The following CASP8 variants were observed in gnomAD, a reference collection of about 807,000 sequenced individuals.
CASP8 encodes caspase 8, also known as caspase-8.
In CASP8, 24 loss-of-function variants were observed where a neutral mutation model predicts 46.3. The ratio of observed to expected loss-of-function variants is 0.52; its 90% CI spans 0.38 to 0.73. CASP8 has a LOEUF of 0.73. Ranked by LOEUF, CASP8 falls within the 30% of genes least tolerant of loss-of-function variation. The pLI is 0.00. For missense variants in CASP8, 460 were observed against 559.0 expected, an observed-to-expected ratio of 0.82 and a Z score of 1.79; for synonymous variants, 188 against 200.4, an observed-to-expected ratio of 0.94 and a Z score of 0.52.
At chr2:201,245,301 A>C (rs779506336) in intron 2 of CASP8, among the ~76,000 whole-genome samples, 11 of 151,482 alleles carry the variant, frequency 7.3e-5, no homozygotes, top group Non-Finnish European at 1.5e-4. Context: ...GTTGGAGTGC[A>C]GTGGCTCAAT....
intron 1 of CASP8, among the ~76,000 whole-genome samples, chr2:201,261,391 C>CAAA (rs11335061): frequency 2.0e-3 from 181 of 88,422 alleles, no homozygotes; most frequent in African/African-American, 5.4e-3. Flanking sequence ...AACTCCGTCT[C>CAAA]AAAAAAAAAA....
At chr2:201,283,673 G>A (rs1216118172) in intron 7 of CASP8, among the ~76,000 whole-genome samples, 1 of 88,958 alleles carries the variant, frequency 1.1e-5, no homozygotes, top group Non-Finnish European at 2.7e-5. Flanking sequence ...CCTCCCGGAC[G>A]GGGCGGATGG....
chr2:201,260,988 CCCA>C (rs1947346806), intron 1 of CASP8, among the ~76,000 whole-genome samples: 1 of 152,206 alleles, frequency 6.6e-6, no homozygotes, highest in African/African-American at 2.4e-5. Context: ...CAGCTATCCT[CCCA>C]CCAACACACA....
chr2:201,264,951 T>TGGC (rs1947693078), intron 1 of CASP8, among the ~76,000 whole-genome samples: 1 of 152,126 alleles, frequency 6.6e-6, no homozygotes, highest in African/African-American at 2.4e-5. Flanking sequence ...GGGGGCCAGC[T>TGGC]CCCTGCAGGG....
At chr2:201,274,835 A>G (rs1948520387) in intron 5 of CASP8, 54 bp from the exon 6 acceptor site, 3 of 1,293,314 alleles carry the variant, frequency 2.3e-6, no homozygotes, top group Non-Finnish European at 3.4e-6. Context: ...TTTCATTACC[A>G]GTGTACCTTT....
chr2:201,258,826 G>A (rs1475091734), upstream of CASP8, among the ~76,000 whole-genome samples: 1 of 152,118 alleles, frequency 6.6e-6, no homozygotes, highest in African/African-American at 2.4e-5. Context: ...GTGTCTGAAG[G>A]GTTTCCTTTT....
Position 201,266,369 on chromosome 2 carries a change from C to T in CASP8, c.-26-92C>T. Reference sequence around the variant, plus strand: ...CTCTCCTGTGCTGACAGCACAATGACCAGTACCTAGTAGTTGCAGTAGCCT... The same window carrying T: ...CTCTCCTGTGCTGACAGCACAATGATCAGTACCTAGTAGTTGCAGTAGCCT... On this transcript the variant is annotated intron_variant, in intron 1 of 8. Coordinates refer to ENST00000673742, the MANE Select transcript of CASP8 (RefSeq NM_001372051.1). This position sits in a 1 kb window ranked among gnomAD's most constrained non-coding sequence, Gnocchi z 5.7. 1.1e-6 allele frequency: 1 copy of T among 924,370 alleles called. No homozygotes were observed. Among genetic ancestry groups the T allele is most frequent in the South Asian group, 1.4e-5 (1 of 73,156 alleles). 57.3% of individuals were successfully genotyped at this position (924,370 alleles called of 1,614,324 possible).
rs1370487855 is a variant in CASP8, at chr2:201,272,601, C to T, written c.412-37C>T. 1 of 1,612,062 alleles carries T rather than the reference C, an allele frequency of 6.2e-7. No individual in the cohort carries two copies. The highest frequency in any genetic ancestry group is 1.1e-5 in the South Asian group (1 of 91,018). On this transcript the variant is annotated intron_variant, in intron 3 of 8. Coordinates refer to ENST00000673742, the MANE Select transcript of CASP8 (RefSeq NM_001372051.1). The surrounding 1 kb of genome is among the most constrained non-coding windows in gnomAD (Gnocchi z 4.4). ...ATCTAATCTAAAAACCAGTAGGGCT[C>T]AATCCAGATTCCCAACTTTATTTCT... is the stretch of plus-strand genomic sequence containing the variant.
intron 2 of CASP8, among the ~76,000 whole-genome samples, chr2:201,237,078 CCTTT>C (rs1227043136): frequency 1.4e-5 from 2 of 147,598 alleles, no homozygotes; most frequent in Non-Finnish European, 3.0e-5. Context: ...CAGTATGACC[CCTTT>C]CTATTTTTTT....
chr2:201,253,358 G>A (rs1357623086), intron 2 of CASP8, among the ~76,000 whole-genome samples: 2 of 122,680 alleles, frequency 1.6e-5, no homozygotes, highest in African/African-American at 3.0e-5. Context: ...GTAGGTTACA[G>A]TAGCTATGTA....
At chr2:201,267,809 G>A (rs2125171155) in intron 2 of CASP8, among the ~76,000 whole-genome samples, 1 of 152,340 alleles carries the variant, frequency 6.6e-6, no homozygotes, top group African/African-American at 2.4e-5. Context: ...ATGTGAGATG[G>A]AAAGGGTTCA....
intron 2 of CASP8, among the ~76,000 whole-genome samples, chr2:201,250,798 A>G (rs1356749565): frequency 6.6e-6 from 1 of 152,252 alleles, no homozygotes; most frequent in Non-Finnish European, 1.5e-5. Context: ...AAAGTTCCAT[A>G]GTTTCCATTA....
upstream of CASP8, among the ~76,000 whole-genome samples, chr2:201,259,506 T>C (rs1947238159): frequency 6.6e-6 from 1 of 152,174 alleles, no homozygotes; most frequent in African/African-American, 2.4e-5. Context: ...CATCTTGACC[T>C]AGCCCTCTCT....
chr2:201,235,946 G>A (rs1466687762), intron 2 of CASP8, among the ~76,000 whole-genome samples: 2 of 152,180 alleles, frequency 1.3e-5, no homozygotes, highest in Non-Finnish European at 2.9e-5. Flanking sequence ...AGGAGTAATA[G>A]TCTAGACCAT....
intron 2 of CASP8, among the ~76,000 whole-genome samples, chr2:201,246,552 C>T (rs557496157): frequency 1.8e-4 from 28 of 152,146 alleles, no homozygotes; most frequent in Non-Finnish European, 3.8e-4. Context: ...CTTAGACAAC[C>T]TCTAGTCTAA....
Position 201,286,670 on chromosome 2 carries a change from C to G in CASP8, c.*76C>G. The G allele has an allele frequency of 1.5e-6, 2 of 1,313,602 alleles. No homozygotes were observed. The highest frequency in any genetic ancestry group is 1.2e-5 in the South Asian group (1 of 80,948). The allele number at this position is 1,313,602 out of a possible 1,614,324, so 81.4% of individuals were successfully genotyped here. On this transcript the variant is annotated 3_prime_UTR_variant, in exon 9 of 9. Transcript: ENST00000673742. Reference sequence around the variant, plus strand: ...TCGCTCTGTCGCCCAGGCTGGAGTGCAGTGGCGTGATCTCGGCTCACCGCA... The same window carrying G: ...TCGCTCTGTCGCCCAGGCTGGAGTGGAGTGGCGTGATCTCGGCTCACCGCA...
intron 2 of CASP8, among the ~76,000 whole-genome samples, chr2:201,235,218 A>T (rs1219343382): frequency 1.3e-5 from 2 of 152,072 alleles, no homozygotes; most frequent in African/African-American, 4.8e-5. Context: ...GCCTTATGTG[A>T]TATTAGTATA....
intron 7 of CASP8, among the ~76,000 whole-genome samples, chr2:201,282,115 A>G (rs7585741): frequency 0.3 from 17,137 of 57,582 alleles, 1,142 homozygotes; most frequent in Non-Finnish European, 0.33. Flanking sequence ...CTGGGTACTT[A>G]AGATTAGGGA....
rs1403801821 is a variant in CASP8 at position 201,284,237 on chromosome 2, G to C, written c.803-579G>C. 5.1e-5 allele frequency among the ~76,000 whole-genome samples: 2 copies of C among 39,136 alleles called. 1 individual carries two copies. The highest frequency in any genetic ancestry group is 2.7e-4 in the African/African-American group (2 of 7,464). 25.7% of individuals were successfully genotyped at this position (39,136 alleles called of 152,430 possible). A position where few individuals can be genotyped will look rare whatever the true frequency, so the allele number is the denominator to read the frequency against. On this transcript the variant is annotated intron_variant, in intron 7 of 8. Transcript: ENST00000673742. ...GGGGCTCCTCATATCCCAGACGATG[G>C]GTGGCCAAGCAGAGACGCTCCTCAC...
Sources: gnomAD v4.1 joint callset for allele counts (sites outside exome capture counted in the v4.1 genomes callset) on GRCh38, gnomAD v4.1.1 for gene constraint, Gnocchi (gnomAD v3.1) non-coding constraint, MANE v1.5 for transcripts, NCBI Gene and HGNC (gene_info 2026-07-23, HGNC 2026-07-21) for gene names.